Variants in DCC observed in about 807,000 individuals in gnomAD.
The protein encoded by DCC is DCC netrin 1 receptor.
In DCC, 58 loss-of-function variants were observed where a neutral mutation model predicts 172.5. That is an observed-to-expected ratio of 0.34 (90% confidence interval 0.27 to 0.42). The LOEUF (loss-of-function observed/expected upper bound fraction) is 0.42. Ranked by LOEUF, DCC falls within the 10% of genes least tolerant of loss-of-function variation. The probability of loss-of-function intolerance (pLI) is 1.00; values close to 1 mark genes in which losing one functional copy is unlikely to be tolerated. For synonymous variants in DCC, 709 were observed against 644.5 expected, an observed-to-expected ratio of 1.10 and a Z score of -1.52; for missense variants, 1,740 against 1,791.0, an observed-to-expected ratio of 0.97 and a Z score of 0.51.
At chr18:52,679,241 T>C (rs1461526662) in intron 1 of DCC, among the ~76,000 whole-genome samples, 1 of 152,072 alleles carries the variant, frequency 6.6e-6, no homozygotes, top group African/African-American at 2.4e-5. Flanking sequence ...ATTTTCCTGT[T>C]ATTATTTTTA....
intron 1 of DCC, among the ~76,000 whole-genome samples, chr18:52,466,073 A>C (rs576607668): frequency 6.6e-6 from 1 of 152,260 alleles, no homozygotes; most frequent in South Asian, 2.1e-4. Flanking sequence ...GTGTTTTCTT[A>C]CTATTTGATA....
intron 1 of DCC, among the ~76,000 whole-genome samples, chr18:52,652,945 C>T (rs2035171604): frequency 6.6e-6 from 1 of 152,074 alleles, no homozygotes; most frequent in Admixed American, 6.5e-5. Context: ...AATAACAAAA[C>T]AGGAAAAGAA....
At chr18:52,372,850 GAAATAACAA>G (rs1387800056) in intron 1 of DCC, among the ~76,000 whole-genome samples, 1 of 152,148 alleles carries the variant, frequency 6.6e-6, no homozygotes, top group Non-Finnish European at 1.5e-5. Flanking sequence ...CTTAGAGGAT[GAAATAACAA>G]AAACCCGAGA....
chr18:53,074,343 A>G (rs1025404389), intron 7 of DCC, among the ~76,000 whole-genome samples: 3 of 152,188 alleles, frequency 2.0e-5, no homozygotes, highest in African/African-American at 7.2e-5. Context: ...TTAACACTAC[A>G]AAATTCCTCT....
At chr18:53,253,212 A>G (rs1598949517) in intron 12 of DCC, among the ~76,000 whole-genome samples, 2 of 151,904 alleles carry the variant, frequency 1.3e-5, no homozygotes, top group East Asian at 3.9e-4. Flanking sequence ...TCTTTTATAT[A>G]TTTCTTTGTG....
chr18:52,787,580 C>T (rs1158835142), intron 2 of DCC, among the ~76,000 whole-genome samples: 1 of 150,522 alleles, frequency 6.6e-6, no homozygotes. Flanking sequence ...TTAAATTGTA[C>T]ATCATTTTGG....
At chr18:52,417,988 C>T (rs1987104513) in intron 1 of DCC, among the ~76,000 whole-genome samples, 1 of 152,172 alleles carries the variant, frequency 6.6e-6, no homozygotes, top group Non-Finnish European at 1.5e-5. Flanking sequence ...GTCATTAATT[C>T]TTCGCTTTCA....
chr18:53,228,045 G>A (rs1157403267), intron 12 of DCC, among the ~76,000 whole-genome samples: 5 of 152,108 alleles, frequency 3.3e-5, no homozygotes, highest in East Asian at 1.9e-4. Flanking sequence ...AAGTCTAAAT[G>A]TTGCAAAGAA....
At chr18:53,302,575 C>G (rs1243696934) in intron 12 of DCC, among the ~76,000 whole-genome samples, 2 of 152,060 alleles carry the variant, frequency 1.3e-5, no homozygotes, top group Non-Finnish European at 2.9e-5. Flanking sequence ...AGACTGCACT[C>G]TTTTCCTGGA....
chr18:52,963,048 A>G (rs1332000053), intron 5 of DCC, among the ~76,000 whole-genome samples: 1 of 151,698 alleles, frequency 6.6e-6, no homozygotes, highest in East Asian at 1.9e-4. Context: ...TGGCACATGT[A>G]TACATATGTA....
chr18:52,357,012 T>C (rs186139121), intron 1 of DCC, among the ~76,000 whole-genome samples: 2 of 152,310 alleles, frequency 1.3e-5, no homozygotes, highest in African/African-American at 2.4e-5. Flanking sequence ...CTTGAACTCC[T>C]GATGTCAGGT....
At chr18:53,130,464 T>C (rs951883900) in intron 7 of DCC, among the ~76,000 whole-genome samples, 3 of 152,162 alleles carry the variant, frequency 2.0e-5, no homozygotes, top group African/African-American at 4.8e-5. Flanking sequence ...CTCAAAACTC[T>C]GTCTTCCTTT....
At chr18:52,583,562 C>T (rs537026659) in intron 1 of DCC, among the ~76,000 whole-genome samples, 1 of 151,978 alleles carries the variant, frequency 6.6e-6, no homozygotes, top group Non-Finnish European at 1.5e-5. Flanking sequence ...GCATTATGAC[C>T]TATTACTAAA....
intron 1 of DCC, among the ~76,000 whole-genome samples, chr18:52,579,026 T>C (rs2033483983): frequency 6.6e-6 from 1 of 152,130 alleles, no homozygotes. Flanking sequence ...GCAACTGAAC[T>C]TTAGGTAATT....
At chr18:52,805,624 A>C (rs1470705529) in intron 2 of DCC, among the ~76,000 whole-genome samples, 1 of 152,244 alleles carries the variant, frequency 6.6e-6, no homozygotes, top group Non-Finnish European at 1.5e-5. Context: ...AATTGTTTAC[A>C]TTACCTTGAT....
intron 24 of DCC, among the ~76,000 whole-genome samples, chr18:53,464,658 C>T (rs149584082): frequency 8.4e-4 from 128 of 151,686 alleles, no homozygotes; most frequent in African/African-American, 2.9e-3. Context: ...CACACACAGA[C>T]ACCCAACAAT....
rs1252464350 is a variant in DCC at position 52,613,449 on chromosome 18, G to T, written c.92-138605G>T. Among the ~76,000 whole-genome samples, 5 of 151,964 alleles carry T rather than the reference G, an allele frequency of 3.3e-5. No homozygotes were observed. The South Asian group carries it at 1.0e-3, about 32-fold the overall frequency. On this transcript the variant is annotated intron_variant, in intron 1 of 28. Transcript: ENST00000442544. ...TTTTTGTATTTTTAGTAGAGACAGG[G>T]TTTCACCGTGTTAGCCAGGATGGTC...
chr18:52,462,958 T>C (rs1988676200), intron 1 of DCC, among the ~76,000 whole-genome samples: 1 of 152,142 alleles, frequency 6.6e-6, no homozygotes, highest in Non-Finnish European at 1.5e-5. Flanking sequence ...TGCTTTTTCT[T>C]CTCTGCTGCC....
intron 7 of DCC, among the ~76,000 whole-genome samples, chr18:53,073,237 A>T (rs931274594): frequency 2.6e-4 from 40 of 152,022 alleles, no homozygotes; most frequent in African/African-American, 9.4e-4. Flanking sequence ...AAAAAAAAAT[A>T]AAAATAGGCC....
Sources: gnomAD v4.1 joint callset for allele counts (sites outside exome capture counted in the v4.1 genomes callset) on GRCh38, gnomAD v4.1.1 for gene constraint, MANE v1.5 for transcripts, NCBI Gene and HGNC (gene_info 2026-07-23, HGNC 2026-07-21) for gene names.